ATP2B2: variants seen among roughly 807,000 people sequenced by gnomAD.
ATP2B2 encodes plasma membrane calcium-transporting ATPase 2.
ATP2B2 carries 15 observed loss-of-function variants against 120.0 expected under a neutral mutation model. The ratio of observed to expected loss-of-function variants is 0.12; its 90% confidence interval spans 0.08 to 0.19. The LOEUF is 0.19. Ranked by LOEUF, ATP2B2 falls within the 10% of genes least tolerant of loss-of-function variation. The probability of loss-of-function intolerance (pLI) is 1.00; values close to 1 mark genes in which losing one functional copy is unlikely to be tolerated. For missense variants in ATP2B2, 1,045 were observed against 1,719.8 expected, an observed-to-expected ratio of 0.61 and a Z score of 6.94; for synonymous variants, 694 against 700.3, an observed-to-expected ratio of 0.99 and a Z score of 0.14.
chr3:10,535,100 TC>T, intron 2 of ATP2B2, among the ~76,000 whole-genome samples: 1 of 152,094 alleles, frequency 6.6e-6, no homozygotes, highest in African/African-American at 2.4e-5. Flanking sequence ...AGATGGGGTT[TC>T]ACCGTGTTGC....
At chr3:10,424,614 G>T (rs2063090138) in intron 2 of ATP2B2, among the ~76,000 whole-genome samples, 1 of 152,168 alleles carries the variant, frequency 6.6e-6, no homozygotes, top group Non-Finnish European at 1.5e-5. Flanking sequence ...TCCTTCAAAA[G>T]CTACATCATT....
chr3:10,596,352 T>C (rs1053678454), intron 2 of ATP2B2, among the ~76,000 whole-genome samples: 3 of 152,236 alleles, frequency 2.0e-5, no homozygotes, highest in African/African-American at 7.2e-5. Flanking sequence ...TGAACATCAC[T>C]GTCTTTCCAG....
rs139845050 is a variant in ATP2B2, at chr3:10,378,515, G to A, written c.1043-105C>T. On this transcript the variant is annotated intron_variant, in intron 9 of 22. Coordinates refer to ENST00000360273, the MANE Select transcript of ATP2B2 (RefSeq NM_001001331.4). ...TGGCACCCACCCCTGCCTGCCCAGG[G>A]TAGGTGCTGACTGCCTGGACTGAGC... 1.2e-3 allele frequency: 1,855 copies of A among 1,487,268 alleles called. 24 individuals are homozygous for A. In the East Asian group the frequency reaches 0.026, roughly 21 times the overall value. The allele number at this position is 1,487,268 out of a possible 1,614,324, so 92.1% of individuals were successfully genotyped here.
Position 10,340,460 on chromosome 3 carries a change from C to A in ATP2B2, c.3129+33G>T, listed in dbSNP as rs370119384. 7.4e-6 allele frequency: 12 copies of A among 1,614,028 alleles called. No individual in the cohort carries two copies. The highest frequency in any genetic ancestry group is 6.7e-5 in the African/African-American group (5 of 74,944). The stretch of plus-strand genomic sequence containing the variant: ...AGGGGCTCCAGCCGCTTGCTGCCCA[C>A]CCCGGGCCTGGTTAGGGTGGGGGCC... On this transcript the variant is annotated intron_variant, in intron 20 of 22. Coordinates refer to ENST00000360273, the MANE Select transcript of ATP2B2 (RefSeq NM_001001331.4). The surrounding 1 kb of genome is among the most constrained non-coding windows in gnomAD (Gnocchi z 5.0).
intron 1 of ATP2B2, among the ~76,000 whole-genome samples, chr3:10,639,871 G>A (rs1270568799): frequency 3.9e-5 from 6 of 152,336 alleles, no homozygotes; most frequent in East Asian, 3.9e-4. Flanking sequence ...GCTAAGGCTG[G>A]AGGGCAGAAG....
At chr3:10,434,193 T>C (rs2063408544) in intron 2 of ATP2B2, among the ~76,000 whole-genome samples, 1 of 152,262 alleles carries the variant, frequency 6.6e-6, no homozygotes, top group South Asian at 2.1e-4. Context: ...TGATCATCAT[T>C]TATTTTCAGT....
At chr3:10,428,978 TCTCTCCC>T (rs1356464609) in intron 2 of ATP2B2, among the ~76,000 whole-genome samples, 4 of 152,298 alleles carry the variant, frequency 2.6e-5, no homozygotes, top group Admixed American at 2.0e-4. Context: ...ATGCATCATG[TCTCTCCC>T]TGACTCCCTC....
intron 5 of ATP2B2, among the ~76,000 whole-genome samples, chr3:10,399,926 T>C (rs2062162980): frequency 6.6e-6 from 1 of 152,214 alleles, no homozygotes. Flanking sequence ...GATTAGCTGT[T>C]GGTAGGCCTG....
intron 1 of ATP2B2, among the ~76,000 whole-genome samples, chr3:10,666,370 T>G (rs2070938127): frequency 6.6e-6 from 1 of 152,208 alleles, no homozygotes; most frequent in Non-Finnish European, 1.5e-5. Context: ...ACCTTGCTCC[T>G]CTGAGCCCAG....
intron 1 of ATP2B2, among the ~76,000 whole-genome samples, chr3:10,630,671 T>C (rs933474172): frequency 6.6e-6 from 1 of 152,240 alleles, no homozygotes; most frequent in African/African-American, 2.4e-5. Context: ...TCCTCATCTG[T>C]AAAATGGCTC....
chr3:10,589,168 T>C (rs1385036762), intron 2 of ATP2B2, among the ~76,000 whole-genome samples: 1 of 152,166 alleles, frequency 6.6e-6, no homozygotes, highest in African/African-American at 2.4e-5. Flanking sequence ...ACACATGGCC[T>C]GGTCCTCCTG....
rs1275077415 is a variant in ATP2B2, at chr3:10,342,663, T to C, written c.2917+89A>G. 2.7e-6 allele frequency: 4 copies of C among 1,481,470 alleles called. No homozygotes were observed. In the African/African-American group the frequency reaches 5.6e-5, roughly 21 times the overall value. The allele number at this position is 1,481,470 out of a possible 1,614,324, so 91.8% of individuals were successfully genotyped here. On this transcript the variant is annotated intron_variant, in intron 19 of 22. Transcript: ENST00000360273. The surrounding 1 kb of genome is among the most constrained non-coding windows in gnomAD (Gnocchi z 4.4). ...CCCCATTAGCAAAACAGGAGGGGGT[T>C]GTGACTCGAGAATGCTGGGTGAGAG... is the stretch of plus-strand genomic sequence containing the variant.
At chr3:10,444,279 C>A (rs1238955947) in intron 2 of ATP2B2, among the ~76,000 whole-genome samples, 2 of 152,218 alleles carry the variant, frequency 1.3e-5, no homozygotes, top group African/African-American at 4.8e-5. Flanking sequence ...TCCCTGTTGA[C>A]CTCTCAGGGT....
intron 2 of ATP2B2, among the ~76,000 whole-genome samples, chr3:10,569,540 A>G (rs1176485957): frequency 6.6e-6 from 1 of 152,178 alleles, no homozygotes; most frequent in Non-Finnish European, 1.5e-5. Context: ...ATTTTTATGA[A>G]CCAGAAAAAA....
chr3:10,574,447 T>C (rs1240216216), intron 2 of ATP2B2, among the ~76,000 whole-genome samples: 1 of 152,230 alleles, frequency 6.6e-6, no homozygotes, highest in Non-Finnish European at 1.5e-5. Context: ...GCCATCTGTC[T>C]GCCTGGCGTT....
In ATP2B2 at chr3:10,326,627, T is replaced by G. The variant is rs1379888414; in HGVS notation, c.*2187A>C. The G allele has an allele frequency of 7.5e-6, 3 of 398,544 alleles. No homozygotes were observed. Among genetic ancestry groups the G allele is most frequent in the Non-Finnish European group, 1.3e-5 (3 of 226,046 alleles). 24.7% of individuals were successfully genotyped at this position (398,544 alleles called of 1,614,324 possible). A position where few individuals can be genotyped will look rare whatever the true frequency, so the allele number is the denominator to read the frequency against. ...GCAGTGGGCTGGCTTTGGTGGCGTT[T>G]GTACTGGAATCCAATAAGCACATCT... On this transcript the variant is annotated 3_prime_UTR_variant, in exon 23 of 23. Coordinates refer to ENST00000360273, the MANE Select transcript of ATP2B2 (RefSeq NM_001001331.4).
chr3:10,482,691 A>G (rs2065464122), intron 1 of ATP2B2, among the ~76,000 whole-genome samples: 1 of 152,216 alleles, frequency 6.6e-6, no homozygotes, highest in Non-Finnish European at 1.5e-5. Flanking sequence ...CGCCAGTCAC[A>G]GCTGCCTTCT....
At chr3:10,458,758 T>G (rs1260973864) in intron 1 of ATP2B2, among the ~76,000 whole-genome samples, 1 of 152,214 alleles carries the variant, frequency 6.6e-6, no homozygotes, top group Non-Finnish European at 1.5e-5. Flanking sequence ...TGTCCCCACT[T>G]TATAGGCAAG....
intron 1 of ATP2B2, among the ~76,000 whole-genome samples, chr3:10,706,104 G>A (rs556727357): frequency 6.6e-6 from 1 of 152,194 alleles, no homozygotes; most frequent in Non-Finnish European, 1.5e-5. Flanking sequence ...CTTGATTTCC[G>A]CTAGCTGTGG....
Sources: gnomAD v4.1 joint callset for allele counts (sites outside exome capture counted in the v4.1 genomes callset) on GRCh38, gnomAD v4.1.1 for gene constraint, Gnocchi (gnomAD v3.1) non-coding constraint, MANE v1.5 for transcripts, NCBI Gene and HGNC (gene_info 2026-07-23, HGNC 2026-07-21) for gene names.